ACSM2A: variants seen among roughly 807,000 people sequenced by gnomAD.
ACSM2A encodes the protein acyl-coenzyme A synthetase ACSM2A, mitochondrial.
In ACSM2A, 72 loss-of-function variants were observed where a neutral mutation model predicts 76.6. The observed-to-expected ratio is 0.94, with a 90% CI of 0.78 to 1.14. The LOEUF (loss-of-function observed/expected upper bound fraction) is 1.14, where lower values mean the gene tolerates loss of function less well. ACSM2A is among the 50% of genes most tolerant of loss of function. The pLI is 0.00. For synonymous variants in ACSM2A, 249 were observed against 255.9 expected (o/e 0.97, Z 0.26); for missense variants, 684 against 708.5 (o/e 0.97, Z 0.39).
intron 1 of ACSM2A, among the ~76,000 whole-genome samples, chr16:20,457,109 T>G (rs1406956765): frequency 2.0e-5 from 3 of 151,780 alleles, no homozygotes; most frequent in African/African-American, 4.8e-5. Flanking sequence ...TCAGGAAGAA[T>G]TAGAAAGCCT....
Position 20,469,770 on chromosome 16 carries a change from G to A in ACSM2A, c.596+51G>A, listed in dbSNP as rs112505474. ...GGTTTTAACTAAAACTGGAAACAGA[G>A]CCAAGCACTTAGGTGCAGGTGCTTT... On this transcript the variant is annotated intron_variant, in intron 4 of 13. Transcript: ENST00000573854. 1.2e-5 allele frequency: 20 copies of A among 1,609,380 alleles called. 1 individual carries two copies. The highest frequency in any genetic ancestry group is 1.2e-4 in the African/African-American group (9 of 74,806).
intron 10 of ACSM2A, among the ~76,000 whole-genome samples, chr16:20,479,964 C>T (rs1405262861): frequency 6.6e-6 from 1 of 152,178 alleles, no homozygotes; most frequent in Non-Finnish European, 1.5e-5. Context: ...TTTATGCCAC[C>T]ATATATAATC....
chr16:20,458,066 A>G (rs1284156996), intron 1 of ACSM2A, among the ~76,000 whole-genome samples: 1 of 151,766 alleles, frequency 6.6e-6, no homozygotes, highest in Non-Finnish European at 1.5e-5. Context: ...CCCTTTTATA[A>G]TAGCTGCAAA....
intron 2 of ACSM2A, among the ~76,000 whole-genome samples, chr16:20,464,888 T>C (rs1370241017): frequency 6.6e-6 from 1 of 152,170 alleles, no homozygotes; most frequent in African/African-American, 2.4e-5. Context: ...AATGAGAATG[T>C]ACTTAATGCC....
intron 1 of ACSM2A, among the ~76,000 whole-genome samples, chr16:20,458,906 A>ATATATATATATATATATATATATATG (rs2012404037): frequency 3.3e-5 from 1 of 30,146 alleles, no homozygotes; most frequent in South Asian, 6.7e-4. Context: ...ATATATATGC[A>ATATATATATATATATATATATATATG]TATATATATA....
At chr16:20,464,765 T>C (rs2012873082) in intron 2 of ACSM2A, among the ~76,000 whole-genome samples, 1 of 152,058 alleles carries the variant, frequency 6.6e-6, no homozygotes, top group Non-Finnish European at 1.5e-5. Context: ...TAGAATGGTG[T>C]TTATCAGGGC....
chr16:20,473,100 G>T (rs1360561071), intron 6 of ACSM2A, among the ~76,000 whole-genome samples: 2 of 152,112 alleles, frequency 1.3e-5, no homozygotes, highest in East Asian at 3.9e-4. Context: ...GAGGGATTGG[G>T]TTATTTCCCT....
chr16:20,454,325 T>C (rs570611773), intron 1 of ACSM2A, among the ~76,000 whole-genome samples: 1 of 151,988 alleles, frequency 6.6e-6, no homozygotes, highest in South Asian at 2.1e-4. Flanking sequence ...CAACTTGGAA[T>C]GGGGAGGTAT....
At chr16:20,457,457 TA>T (rs746622862) in intron 1 of ACSM2A, among the ~76,000 whole-genome samples, 10 of 152,110 alleles carry the variant, frequency 6.6e-5, no homozygotes, top group African/African-American at 9.7e-5. Context: ...ATCAAAAAGA[TA>T]ATCCACCATG....
At chr16:20,462,534 C>G (rs1203274859) in intron 2 of ACSM2A, among the ~76,000 whole-genome samples, 3 of 152,154 alleles carry the variant, frequency 2.0e-5, no homozygotes, top group East Asian at 1.9e-4. Flanking sequence ...CCAAAAAGTG[C>G]TATAACTCTG....
At chr16:20,475,819 T>C in intron 8 of ACSM2A, 46 bp downstream of exon 8, 1 of 1,601,614 alleles carries the variant, frequency 6.2e-7, no homozygotes, top group Non-Finnish European at 8.5e-7. Flanking sequence ...CTTTTTGGGC[T>C]TCAAAATTCT....
intron 3 of ACSM2A, among the ~76,000 whole-genome samples, chr16:20,467,631 C>G (rs2013090917): frequency 6.6e-6 from 1 of 152,002 alleles, no homozygotes; most frequent in African/African-American, 2.4e-5. Context: ...GACATTTCAG[C>G]AAGTGGGTGG....
intron 1 of ACSM2A, chr16:20,452,092 G>A (rs1029298513): frequency 6.6e-6 from 1 of 150,718 alleles, no homozygotes; most frequent in Admixed American, 6.6e-5. Flanking sequence ...TAGAAAAAAA[G>A]GAGACAGAAA....
chr16:20,475,930 C>A lies in ACSM2A; in HGVS notation c.1098+157C>A, dbSNP rs370692642. 2.3e-4 allele frequency: 331 copies of A among 1,467,018 alleles called. 1 individual carries two copies. Among genetic ancestry groups the A allele is most frequent in the East Asian group, 1.1e-3 (45 of 42,770 alleles). The allele number at this position is 1,467,018 out of a possible 1,614,324, so 90.9% of individuals were successfully genotyped here. A position where few individuals can be genotyped will look rare whatever the true frequency, so the allele number is the denominator to read the frequency against. ...GACAGGTACTGAGTATTGAAAATTC[C>A]GCACAGAACAAAAAAGGCAAAGTTC... On this transcript the variant is annotated intron_variant, in intron 8 of 13. Coordinates refer to ENST00000573854, the MANE Select transcript of ACSM2A (RefSeq NM_001308172.2).
At chr16:20,459,295 C>G (rs1178414729) in intron 1 of ACSM2A, among the ~76,000 whole-genome samples, 4 of 152,092 alleles carry the variant, frequency 2.6e-5, no homozygotes, top group African/African-American at 2.4e-5. Context: ...ACAATTATGA[C>G]AGCTGTAATT....
At chr16:20,457,689 A>G (rs2012275458) in intron 1 of ACSM2A, among the ~76,000 whole-genome samples, 1 of 152,126 alleles carries the variant, frequency 6.6e-6, no homozygotes, top group Non-Finnish European at 1.5e-5. Flanking sequence ...GCCATCTATG[A>G]TAAACCCACA....
At chr16:20,473,550 A>G (rs1431969603) in intron 6 of ACSM2A, among the ~76,000 whole-genome samples, 4 of 152,222 alleles carry the variant, frequency 2.6e-5, no homozygotes, top group Non-Finnish European at 1.5e-5. Flanking sequence ...AAATTATTGC[A>G]TGATACTCAC....
At chr16:20,461,788 A>G (rs1420033929) in intron 2 of ACSM2A, among the ~76,000 whole-genome samples, 1 of 152,164 alleles carries the variant, frequency 6.6e-6, no homozygotes, top group Non-Finnish European at 1.5e-5. Context: ...TCAAATACAA[A>G]AGGTTGTTTT....
intron 13 of ACSM2A, among the ~76,000 whole-genome samples, 171 bp from the exon 14 acceptor site, chr16:20,486,403 C>A (rs1298135441): frequency 6.6e-6 from 1 of 152,210 alleles, no homozygotes; most frequent in Admixed American, 6.5e-5. Context: ...TTCTAGCCAT[C>A]CTCTTATTGT....
Sources: allele counts gnomAD v4.1 joint callset (sites outside exome capture counted in the v4.1 genomes callset), GRCh38; gene constraint gnomAD v4.1.1; transcripts MANE v1.5; gene names NCBI Gene and HGNC (gene_info 2026-07-23, HGNC 2026-07-21).